Variants in C20orf203 observed in about 807,000 individuals in gnomAD.
The protein encoded by C20orf203 is uncharacterized protein C20orf203.
A neutral mutation model predicts 15.9 loss-of-function variants in C20orf203; 16 were observed. The observed-to-expected ratio is 1.01, with a 90% CI of 0.68 to 1.53. C20orf203 has a LOEUF of 1.53. C20orf203 is among the 40% of genes most tolerant of loss of function. C20orf203 has a pLI of 0.00. For synonymous variants in C20orf203, 98 were observed against 97.2 expected, an observed-to-expected ratio of 1.01 and a Z score of -0.05; for missense variants, 263 against 247.5, an observed-to-expected ratio of 1.06 and a Z score of -0.42.
intron 1 of C20orf203, among the ~76,000 whole-genome samples, chr20:32,664,693 C>T (rs1466992137): frequency 1.3e-5 from 2 of 152,236 alleles, no homozygotes; most frequent in Non-Finnish European, 2.9e-5. Flanking sequence ...GGCCCCTCCT[C>T]TCTCAGGAAC....
At position 32,650,409 on chromosome 20, in the gene C20orf203, G is replaced by A. The variant is rs1424370469; in HGVS notation, c.*23C>T. The A allele has an allele frequency of 6.5e-7, 1 of 1,527,302 alleles. No individual in the cohort carries two copies. Among genetic ancestry groups the A allele is most frequent in the East Asian group, 2.5e-5 (1 of 40,806 alleles). The allele number at this position is 1,527,302 out of a possible 1,614,324, so 94.6% of individuals were successfully genotyped here. On this transcript the variant is annotated 3_prime_UTR_variant, in exon 4 of 6. Transcript: ENST00000608990. The stretch of plus-strand genomic sequence containing the variant: ...TGGTAGGACAGGCAGGCAGAGCTGG[G>A]GGTGGGGGCGCCCTGGGCTCGGCTA...
chr20:32,671,353 A>ATTTGGCTCCGACTGC (rs1983160854), intron 1 of C20orf203, among the ~76,000 whole-genome samples: 1 of 152,240 alleles, frequency 6.6e-6, no homozygotes, highest in Admixed American at 6.5e-5. Context: ...TTTAGCCATC[A>ATTTGGCTCCGACTGC]AAATAAAGAA....
rs566934101 is a variant in C20orf203 at position 32,634,211 on chromosome 20, G to C, written c.*1359C>G. On this transcript the variant is annotated 3_prime_UTR_variant, in exon 6 of 6. Transcript: ENST00000608990. ...TGCTGGGGCTTGAGTTCAGGGGTTG[G>C]GGGGAGGTTCCTAGCCTGGGGGCTC... is the stretch of plus-strand genomic sequence containing the variant. The C allele has an allele frequency of 2.1e-4, 82 of 398,594 alleles. No homozygotes were observed. Among genetic ancestry groups the C allele is most frequent in the Admixed American group, 1.6e-3 (37 of 22,678 alleles). 24.7% of individuals were successfully genotyped at this position (398,594 alleles called of 1,614,324 possible).
chr20:32,664,929 C>T (rs1220275398), intron 1 of C20orf203, among the ~76,000 whole-genome samples: 1 of 152,220 alleles, frequency 6.6e-6, no homozygotes. Context: ...GCCAAGGTCA[C>T]CGTGCTAGTG....
chr20:32,660,237 T>A (rs1982860343), intron 1 of C20orf203, among the ~76,000 whole-genome samples: 1 of 151,988 alleles, frequency 6.6e-6, no homozygotes, highest in South Asian at 2.1e-4. Context: ...AGGATCTGGG[T>A]CCATCTCCCA....
chr20:32,672,573 CA>C (rs11481370), intron 1 of C20orf203, among the ~76,000 whole-genome samples: 94 of 143,876 alleles, frequency 6.5e-4, no homozygotes, highest in East Asian at 2.3e-3. Context: ...ACAATATCTC[CA>C]AAAAAAAAAA....
intron 4 of C20orf203, among the ~76,000 whole-genome samples, chr20:32,642,259 C>G (rs1279703862): frequency 6.6e-6 from 1 of 152,214 alleles, no homozygotes; most frequent in Admixed American, 6.5e-5. Context: ...GGCATATGCC[C>G]CACCGCCAGG....
intron 1 of C20orf203, among the ~76,000 whole-genome samples, chr20:32,660,683 G>A (rs1982870292): frequency 6.6e-6 from 1 of 152,132 alleles, no homozygotes; most frequent in African/African-American, 2.4e-5. Flanking sequence ...AAGAACGTGT[G>A]TGTATTAGTC....
rs184411633 is a variant in C20orf203 at position 32,646,681 on chromosome 20, T to C, written c.*1177+2574A>G. ...GGGAGGGAAACAGTTGGGGAAAGGG[T>C]GGGAGCCCTAACTTGTCCCTATAGG... On this transcript the variant is annotated intron_variant, in intron 4 of 5. Transcript: ENST00000608990. 5.0e-3 allele frequency among the ~76,000 whole-genome samples: 761 copies of C among 152,268 alleles called. 3 individuals carry two copies. Among genetic ancestry groups the C allele is most frequent in the Non-Finnish European group, 8.3e-3 (565 of 68,016 alleles).
At chr20:32,666,155 T>TAAAAAAAAAAAAAAAAAAAAAAAA (rs147487671) in intron 1 of C20orf203, among the ~76,000 whole-genome samples, 5 of 102,766 alleles carry the variant, frequency 4.9e-5, no homozygotes, top group African/African-American at 7.5e-5. Context: ...ATAAATAAAG[T>TAAAAAAAAAAAAAAAAAAAAAAAA]AAAAAAAAAA....
At chr20:32,639,627 T>A (rs1310109540) in intron 5 of C20orf203, among the ~76,000 whole-genome samples, 38 of 129,206 alleles carry the variant, frequency 2.9e-4, no homozygotes, top group Non-Finnish European at 3.7e-4. Context: ...TTTTAAATAG[T>A]AAAAAAAAAA....
At chr20:32,668,758 A>C (rs1388051718) in intron 1 of C20orf203, among the ~76,000 whole-genome samples, 1 of 152,156 alleles carries the variant, frequency 6.6e-6, no homozygotes, top group Non-Finnish European at 1.5e-5. Context: ...GGGAGGTTGC[A>C]GTGAGCCAAG....
At chr20:32,642,444 C>T (rs537805393) in intron 4 of C20orf203, among the ~76,000 whole-genome samples, 173 of 152,298 alleles carry the variant, frequency 1.1e-3, no homozygotes, top group African/African-American at 4.1e-3. Context: ...ACCAAGAAGT[C>T]CACACCCCAG....
chr20:32,637,204 G>C (rs924672185), intron 5 of C20orf203, among the ~76,000 whole-genome samples: 1 of 152,244 alleles, frequency 6.6e-6, no homozygotes, highest in Admixed American at 6.5e-5. Flanking sequence ...CCTGAGGTCA[G>C]GAGCTTGAGA....
intron 5 of C20orf203, among the ~76,000 whole-genome samples, chr20:32,634,916 T>G (rs1982095543): frequency 6.6e-6 from 1 of 152,210 alleles, no homozygotes; most frequent in African/African-American, 2.4e-5. Context: ...AAAAATAATT[T>G]CAGCCAGACG....
At chr20:32,636,030 T>C (rs1439494466) in intron 5 of C20orf203, among the ~76,000 whole-genome samples, 1 of 152,078 alleles carries the variant, frequency 6.6e-6, no homozygotes, top group African/African-American at 2.4e-5. Flanking sequence ...TCTGGCACAG[T>C]TCCCCCAGCC....
chr20:32,651,526 T>TCATTGTC (rs1329945279), intron 2 of C20orf203, among the ~76,000 whole-genome samples: 1 of 152,078 alleles, frequency 6.6e-6, no homozygotes, highest in Non-Finnish European at 1.5e-5. Flanking sequence ...GCAAGGGAGC[T>TCATTGTC]CATTGTCACA....
At chr20:32,671,649 G>C (rs914844245) in intron 1 of C20orf203, among the ~76,000 whole-genome samples, 2 of 151,670 alleles carry the variant, frequency 1.3e-5, no homozygotes, top group East Asian at 3.9e-4. Flanking sequence ...AGACCAGCCC[G>C]ACCAACATGG....
chr20:32,658,168 C>T (rs1392107774), intron 1 of C20orf203, among the ~76,000 whole-genome samples: 1 of 152,098 alleles, frequency 6.6e-6, no homozygotes, highest in Non-Finnish European at 1.5e-5. Context: ...GAAACCCCAA[C>T]TCTACCAAAA....
Sources: gnomAD v4.1 joint callset for allele counts (sites outside exome capture counted in the v4.1 genomes callset) on GRCh38, gnomAD v4.1.1 for gene constraint, MANE v1.5 for transcripts, NCBI Gene and HGNC (gene_info 2026-07-23, HGNC 2026-07-21) for gene names.